KCNQ3: variants seen among roughly 807,000 people sequenced by gnomAD.
KCNQ3 encodes potassium voltage-gated channel subfamily KQT member 3.
A neutral mutation model predicts 92.5 loss-of-function variants in KCNQ3; 30 were observed. The ratio of observed to expected loss-of-function variants is 0.32; its 90% confidence interval spans 0.24 to 0.44. The LOEUF (loss-of-function observed/expected upper bound fraction) is 0.44. Among genes scored for constraint, KCNQ3 ranks in the 20% least tolerant of loss-of-function variants. KCNQ3 has a pLI of 1.00. For missense variants in KCNQ3, 913 were observed against 1,140.3 expected, an observed-to-expected ratio of 0.80 and a Z score of 2.87; for synonymous variants, 450 against 468.8, an observed-to-expected ratio of 0.96 and a Z score of 0.52.
intron 1 of KCNQ3, among the ~76,000 whole-genome samples, chr8:132,339,333 G>A (rs1426583371): frequency 2.6e-5 from 4 of 152,096 alleles, no homozygotes; most frequent in Admixed American, 6.5e-5. Context: ...CCACCAACTC[G>A]AACTGGGCAA....
intron 3 of KCNQ3, among the ~76,000 whole-genome samples, chr8:132,180,839 A>AAAAAAACAAAAAC (rs1554628318): frequency 1.1e-4 from 16 of 150,280 alleles, no homozygotes; most frequent in African/African-American, 1.9e-4. Context: ...GAATGTTAAA[A>AAAAAAACAAAAAC]AAAAAAAAAA....
chr8:132,365,953 C>T (rs1024617536), intron 1 of KCNQ3, among the ~76,000 whole-genome samples: 2 of 152,098 alleles, frequency 1.3e-5, no homozygotes, highest in South Asian at 2.1e-4. Flanking sequence ...ATGGTTTGAG[C>T]CCATGAGGTG....
chr8:132,141,035 G>T, intron 10 of KCNQ3, 94 bp downstream of exon 10: 1 of 1,177,412 alleles, frequency 8.5e-7, no homozygotes, highest in Non-Finnish European at 1.3e-6. Context: ...TGGAGTCAAA[G>T]GTTCTTAAGT....
chr8:132,261,532 A>G (rs1383819667), intron 1 of KCNQ3, among the ~76,000 whole-genome samples: 1 of 152,208 alleles, frequency 6.6e-6, no homozygotes, highest in Non-Finnish European at 1.5e-5. Flanking sequence ...TGGAATAGAA[A>G]GGCAATATGC....
Position 132,296,688 on chromosome 8 carries a change from T to C in KCNQ3, c.387-110507A>G, listed in dbSNP as rs541395765. ...GTTTGCTGAGAATGATGGTTTCCAG[T>C]TTCATCCATGTCCCTAAAAAGGACA... On this transcript the variant is annotated intron_variant, in intron 1 of 14. Coordinates refer to ENST00000388996, the MANE Select transcript of KCNQ3 (RefSeq NM_004519.4). Among the ~76,000 whole-genome samples, 332 of 152,258 alleles carry C rather than the reference T, an allele frequency of 2.2e-3. 3 individuals are homozygous for C. Among genetic ancestry groups the C allele is most frequent in the Non-Finnish European group, 3.7e-4 (25 of 68,034 alleles).
At chr8:132,457,488 T>C (rs1210456635) in intron 1 of KCNQ3, among the ~76,000 whole-genome samples, 1 of 152,142 alleles carries the variant, frequency 6.6e-6, no homozygotes, top group Non-Finnish European at 1.5e-5. Flanking sequence ...CACTGGGAAA[T>C]GATCACACTT....
At chr8:132,464,642 C>T (rs901384456) in intron 1 of KCNQ3, among the ~76,000 whole-genome samples, 7 of 152,134 alleles carry the variant, frequency 4.6e-5, no homozygotes, top group Admixed American at 1.3e-4. Context: ...CATTAGAAAA[C>T]GAAGGAGGAA....
rs867960714 is a variant in KCNQ3 at position 132,438,907 on chromosome 8, T to C, written c.386+41240A>G. Among the ~76,000 whole-genome samples the C allele has an allele frequency of 1.3e-4, 20 of 150,624 alleles. No homozygotes were observed. In the Middle Eastern group the frequency reaches 0.014, roughly 102 times the overall value. The stretch of plus-strand genomic sequence containing the variant: ...GACCTTAAGGTCCATTCCAGCCAGA[T>C]GTAACATTTTGTTTAACCATTTCCA... On this transcript the variant is annotated intron_variant, in intron 1 of 14. Coordinates refer to ENST00000388996, the MANE Select transcript of KCNQ3 (RefSeq NM_004519.4).
At chr8:132,217,584 G>A (rs559572305) in intron 1 of KCNQ3, among the ~76,000 whole-genome samples, 3 of 152,044 alleles carry the variant, frequency 2.0e-5, no homozygotes, top group Non-Finnish European at 4.4e-5. Flanking sequence ...GGTGGCGGGT[G>A]CCTGGAGTCC....
chr8:132,294,964 C>G (rs943987659), intron 1 of KCNQ3, among the ~76,000 whole-genome samples: 3 of 152,116 alleles, frequency 2.0e-5, no homozygotes, highest in South Asian at 4.1e-4. Flanking sequence ...CTAGGCAATA[C>G]AATTCAGGAC....
chr8:132,401,734 C>G (rs1435513919), intron 1 of KCNQ3, among the ~76,000 whole-genome samples: 3 of 152,222 alleles, frequency 2.0e-5, no homozygotes, highest in Admixed American at 6.5e-5. Flanking sequence ...AAAGAATCTC[C>G]TTTGACATAC....
chr8:132,272,804 G>A (rs1816194080), intron 1 of KCNQ3, among the ~76,000 whole-genome samples: 1 of 152,128 alleles, frequency 6.6e-6, no homozygotes, highest in Non-Finnish European at 1.5e-5. Flanking sequence ...TTCAAGATGA[G>A]ATTTGGGTGG....
chr8:132,168,774 TGTGTGTTTGC>T, intron 8 of KCNQ3, among the ~76,000 whole-genome samples: 1 of 92,418 alleles, frequency 1.1e-5, no homozygotes, highest in Non-Finnish European at 2.3e-5. Flanking sequence ...TGTGTGTGTG[TGTGTGTTTGC>T]AGAGGAGTTG....
chr8:132,213,723 T>C (rs756341165), intron 1 of KCNQ3, among the ~76,000 whole-genome samples: 4 of 152,206 alleles, frequency 2.6e-5, no homozygotes, highest in Non-Finnish European at 5.9e-5. Flanking sequence ...AGTAAGGTAT[T>C]GCAAGCTCTG....
intron 1 of KCNQ3, among the ~76,000 whole-genome samples, chr8:132,334,571 G>A (rs1307723075): frequency 6.6e-6 from 1 of 152,094 alleles, no homozygotes; most frequent in East Asian, 1.9e-4. Context: ...CTTTCTAAAA[G>A]GACTGTACCT....
intron 1 of KCNQ3, among the ~76,000 whole-genome samples, chr8:132,293,888 T>A (rs1444880508): frequency 6.6e-6 from 1 of 152,122 alleles, no homozygotes; most frequent in Non-Finnish European, 1.5e-5. Flanking sequence ...TGAAAAGGAC[T>A]AGAACTCTCC....
At chr8:132,459,951 T>C (rs1822024954) in intron 1 of KCNQ3, among the ~76,000 whole-genome samples, 1 of 100,406 alleles carries the variant, frequency 1.0e-5, no homozygotes, top group Non-Finnish European at 2.2e-5. Flanking sequence ...ACTTTTGTTA[T>C]ACTCCAGTAT....
intron 1 of KCNQ3, among the ~76,000 whole-genome samples, chr8:132,239,960 G>T (rs1814933510): frequency 6.6e-6 from 1 of 152,126 alleles, no homozygotes. Context: ...CACGGCCTTT[G>T]AGGCACTCAG....
chr8:132,172,069 C>T (rs537531829), intron 7 of KCNQ3, among the ~76,000 whole-genome samples: 1 of 151,910 alleles, frequency 6.6e-6, no homozygotes, highest in East Asian at 1.9e-4. Context: ...TGCCTGTGGT[C>T]CCAACTACTC....
Sources: gnomAD v4.1 joint callset for allele counts (sites outside exome capture counted in the v4.1 genomes callset) on GRCh38, gnomAD v4.1.1 for gene constraint, MANE v1.5 for transcripts, NCBI Gene and HGNC (gene_info 2026-07-23, HGNC 2026-07-21) for gene names.